Variants in LMLN observed in about 807,000 individuals in gnomAD.
LMLN encodes leishmanolysin-like peptidase.
A neutral mutation model predicts 92.3 loss-of-function variants in LMLN; 70 were observed. The ratio of observed to expected loss-of-function variants is 0.76; its 90% CI spans 0.63 to 0.92. LMLN has a LOEUF of 0.92. Among genes scored for constraint, LMLN ranks in the 40% least tolerant of loss-of-function variants. The pLI, the probability that LMLN is intolerant of heterozygous loss-of-function variation, is 0.00. For synonymous variants in LMLN, 308 were observed against 296.2 expected, an observed-to-expected ratio of 1.04 and a Z score of -0.41; for missense variants, 691 against 814.6, an observed-to-expected ratio of 0.85 and a Z score of 1.85.
chr3:197,963,562 T>C (rs1332274360), intron 1 of LMLN, among the ~76,000 whole-genome samples: 1 of 152,218 alleles, frequency 6.6e-6, no homozygotes, highest in Non-Finnish European at 1.5e-5. Context: ...AGTGGAATTA[T>C]GGTTAAAGTT....
chr3:197,990,458 A>G lies in LMLN; in HGVS notation c.930-101A>G, dbSNP rs1163886665. 2.6e-5 allele frequency: 14 copies of G among 544,360 alleles called. No individual in the cohort carries two copies. In the East Asian group the frequency reaches 3.8e-4, roughly 15 times the overall value. 33.7% of individuals were successfully genotyped at this position (544,360 alleles called of 1,614,324 possible). A position where few individuals can be genotyped will look rare whatever the true frequency, so the allele number is the denominator to read the frequency against. On this transcript the variant is annotated intron_variant, in intron 8 of 15. Transcript: ENST00000330198. Reference sequence around the variant, plus strand: ...GGAGGTTCTCAAATATTTTAATTTCATATTGATATTTATAAAGACTTTTTA... The same window carrying G: ...GGAGGTTCTCAAATATTTTAATTTCGTATTGATATTTATAAAGACTTTTTA...
At chr3:197,979,321 G>T (rs182539611) in intron 5 of LMLN, among the ~76,000 whole-genome samples, 1 of 152,170 alleles carries the variant, frequency 6.6e-6, no homozygotes, top group Admixed American at 6.5e-5. Flanking sequence ...TGGAGATTAT[G>T]ATTACTTGGG....
At chr3:198,000,531 G>A (rs535143414) in intron 11 of LMLN, among the ~76,000 whole-genome samples, 42 of 152,226 alleles carry the variant, frequency 2.8e-4, no homozygotes, top group Non-Finnish European at 4.9e-4. Flanking sequence ...AGGGTCAAGC[G>A]ACTCTCCTGC....
At chr3:197,986,313 T>C (rs1319904643) in intron 8 of LMLN, among the ~76,000 whole-genome samples, 7 of 152,000 alleles carry the variant, frequency 4.6e-5, no homozygotes, top group Non-Finnish European at 7.4e-5. Flanking sequence ...ATACAAAAAT[T>C]AGCCAGGCAT....
At chr3:198,034,560 A>G (rs887767015) in intron 14 of LMLN, among the ~76,000 whole-genome samples, 1 of 152,144 alleles carries the variant, frequency 6.6e-6, no homozygotes, top group East Asian at 1.9e-4. Context: ...GCAGTGAGCC[A>G]AGATCATGCC....
intron 12 of LMLN, among the ~76,000 whole-genome samples, chr3:198,020,370 C>G (rs1249126561): frequency 6.6e-6 from 1 of 152,158 alleles, no homozygotes; most frequent in Admixed American, 6.6e-5. Context: ...TATAAAGGAA[C>G]CTTTTGTCAG....
At chr3:197,992,626 G>A (rs1032178232) in intron 9 of LMLN, among the ~76,000 whole-genome samples, 6 of 152,164 alleles carry the variant, frequency 3.9e-5, no homozygotes, top group African/African-American at 1.4e-4. Context: ...AACGAGTAAT[G>A]AGATTGAATC....
intron 11 of LMLN, among the ~76,000 whole-genome samples, chr3:198,010,263 C>T (rs751595439): frequency 2.7e-4 from 41 of 152,042 alleles, no homozygotes; most frequent in Non-Finnish European, 5.1e-4. Flanking sequence ...AAACAATTCT[C>T]CCGACTCAGC....
chr3:197,963,656 C>T (rs1424404771), intron 1 of LMLN, among the ~76,000 whole-genome samples: 2 of 152,152 alleles, frequency 1.3e-5, no homozygotes, highest in Non-Finnish European at 2.9e-5. Flanking sequence ...TCTTCTGAGA[C>T]CTAGCTAAAC....
rs948718699 is a variant in LMLN, at chr3:198,019,944, TCC to T, written c.1365+562_1365+563del. On this transcript the variant is annotated intron_variant, in intron 12 of 15. Coordinates refer to ENST00000330198, the Ensembl canonical transcript of LMLN. This position sits in a 1 kb window ranked among gnomAD's most constrained non-coding sequence, Gnocchi z 5.5. ...GGTGAGATCTCAGCTCACTGCAGCC[TCC>T]CCTTACCAGATTCAAGCGATTCTTG... is the stretch of plus-strand genomic sequence containing the variant. Among the ~76,000 whole-genome samples the T allele has an allele frequency of 1.3e-5, 2 of 152,118 alleles. No individual in the cohort carries two copies. Among genetic ancestry groups the T allele is most frequent in the African/African-American group, 4.8e-5 (2 of 41,418 alleles).
chr3:198,022,232 T>A (rs1332586071), intron 13 of LMLN, among the ~76,000 whole-genome samples: 1 of 152,238 alleles, frequency 6.6e-6, no homozygotes, highest in Admixed American at 6.5e-5. Flanking sequence ...CCATATTATT[T>A]GTTTCTTCTT....
intron 1 of LMLN, among the ~76,000 whole-genome samples, chr3:197,968,881 T>C (rs1721144679): frequency 6.6e-6 from 1 of 152,260 alleles, no homozygotes; most frequent in Admixed American, 6.5e-5. Flanking sequence ...TCATAAACTT[T>C]GATATTGGAC....
intron 11 of LMLN, among the ~76,000 whole-genome samples, chr3:198,008,001 T>C (rs1722337581): frequency 6.6e-6 from 1 of 152,186 alleles, no homozygotes; most frequent in Non-Finnish European, 1.5e-5. Flanking sequence ...AATCAAGTGA[T>C]TTTTTTCGCC....
At chr3:197,962,767 C>CTT (rs200108423) in intron 1 of LMLN, among the ~76,000 whole-genome samples, 43 of 135,454 alleles carry the variant, frequency 3.2e-4, no homozygotes, top group East Asian at 8.5e-4. Flanking sequence ...GATCAATATC[C>CTT]TTTTTTTTTT....
chr3:198,043,652 T>G lies in LMLN; in HGVS notation c.*4985T>G, dbSNP rs1455138202. 2.0e-5 allele frequency: 3 copies of G among 152,602 alleles called. No individual in the cohort carries two copies. In the East Asian group the frequency reaches 5.8e-4, roughly 29 times the overall value. 9.5% of individuals were successfully genotyped at this position (152,602 alleles called of 1,614,324 possible). ...AAATAGAAGATTTAAGAACTAATAT[T>G]TATGGTATTGAACTTTAAGTGTGAT... On this transcript the variant is annotated 3_prime_UTR_variant, in exon 16 of 16. Transcript: ENST00000330198.
intron 5 of LMLN, among the ~76,000 whole-genome samples, chr3:197,979,068 C>T (rs919117479): frequency 1.3e-5 from 2 of 152,160 alleles, no homozygotes; most frequent in African/African-American, 4.8e-5. Context: ...AGTCACTGTG[C>T]TTTACAACAG....
At chr3:198,015,536 A>G (rs1380309572) in intron 11 of LMLN, among the ~76,000 whole-genome samples, 1 of 139,726 alleles carries the variant, frequency 7.2e-6, no homozygotes, top group African/African-American at 2.7e-5. Flanking sequence ...ACTTCTCTCC[A>G]CTCTTCAGAG....
intron 1 of LMLN, among the ~76,000 whole-genome samples, chr3:197,967,712 C>G (rs927190092): frequency 1.3e-5 from 2 of 152,126 alleles, no homozygotes; most frequent in Non-Finnish European, 2.9e-5. Flanking sequence ...GGTTTTTTCC[C>G]CACCCTAATA....
intron 6 of LMLN, among the ~76,000 whole-genome samples, chr3:197,983,375 T>C (rs1207088694): frequency 6.6e-6 from 1 of 152,180 alleles, no homozygotes; most frequent in African/African-American, 2.4e-5. Context: ...TTGCAGGTTC[T>C]AGGCACAGAG....
Sources: gnomAD v4.1 joint callset for allele counts (sites outside exome capture counted in the v4.1 genomes callset) on GRCh38, gnomAD v4.1.1 for gene constraint, Gnocchi (gnomAD v3.1) non-coding constraint, MANE v1.5 for transcripts, NCBI Gene and HGNC (gene_info 2026-07-23, HGNC 2026-07-21) for gene names.